CORO1C: variants seen among roughly 807,000 people sequenced by gnomAD.
CORO1C encodes the protein coronin 1C, also known as coronin-1C.
In CORO1C, 14 loss-of-function variants were observed where a neutral mutation model predicts 51.2. The observed-to-expected ratio is 0.27, with a 90% CI of 0.18 to 0.43. The LOEUF is 0.43. Among genes scored for constraint, CORO1C ranks in the 20% least tolerant of loss-of-function variants. The pLI, the probability that CORO1C is intolerant of heterozygous loss-of-function variation, is 1.00. For missense variants in CORO1C, 417 were observed against 607.8 expected (o/e 0.69, Z 3.30); for synonymous variants, 181 against 210.5 (o/e 0.86, Z 1.21).
chr12:108,669,175 A>G (rs1010412961), intron 3 of CORO1C, among the ~76,000 whole-genome samples: 1 of 152,264 alleles, frequency 6.6e-6, no homozygotes. Flanking sequence ...AAAACTGCAA[A>G]GTAGCTGTCA....
chr12:108,690,079 C>T (rs2034443361), intron 2 of CORO1C, among the ~76,000 whole-genome samples: 2 of 152,080 alleles, frequency 1.3e-5, no homozygotes, highest in South Asian at 2.1e-4. Flanking sequence ...TGCTGCTCCA[C>T]GGGGAGGAGC....
chr12:108,706,022 A>G (rs2035018473), intron 1 of CORO1C, among the ~76,000 whole-genome samples: 1 of 151,972 alleles, frequency 6.6e-6, no homozygotes, highest in South Asian at 2.1e-4. Flanking sequence ...CCCCATCTCT[A>G]CTAAAAATAC....
At chr12:108,648,179 G>A (rs761122690) in intron 10 of CORO1C, among the ~76,000 whole-genome samples, 30 of 152,032 alleles carry the variant, frequency 2.0e-4, no homozygotes, top group Non-Finnish European at 4.0e-4. Context: ...ATCTGAACAC[G>A]TGCCACTCCC....
chr12:108,726,980 A>G (rs114895749), intron 1 of CORO1C, among the ~76,000 whole-genome samples: 1 of 152,324 alleles, frequency 6.6e-6, no homozygotes, highest in African/African-American at 2.4e-5. Context: ...AAAGGGAGTT[A>G]CCCCATTCAT....
chr12:108,653,888 G>A (rs2032806214), intron 7 of CORO1C, among the ~76,000 whole-genome samples: 1 of 152,150 alleles, frequency 6.6e-6, no homozygotes, highest in Non-Finnish European at 1.5e-5. Context: ...GCTCATCTAG[G>A]GTTATCCAAC....
chr12:108,712,560 G>C (rs1486511735), intron 1 of CORO1C, among the ~76,000 whole-genome samples: 2 of 80,788 alleles, frequency 2.5e-5, no homozygotes, highest in South Asian at 9.6e-4. Flanking sequence ...AACAACAAGC[G>C]AAACTGTCTC....
chr12:108,702,435 A>G (rs903953238), intron 1 of CORO1C, among the ~76,000 whole-genome samples: 4 of 152,134 alleles, frequency 2.6e-5, no homozygotes, highest in Non-Finnish European at 5.9e-5. Flanking sequence ...ATTCGACTAA[A>G]TCATCTGATA....
intron 1 of CORO1C, among the ~76,000 whole-genome samples, chr12:108,720,974 C>T (rs2035462007): frequency 6.6e-6 from 1 of 152,050 alleles, no homozygotes; most frequent in African/African-American, 2.4e-5. Context: ...TACTATGCAC[C>T]AGGCAATATG....
intron 1 of CORO1C, among the ~76,000 whole-genome samples, chr12:108,704,248 C>T (rs551135064): frequency 2.7e-4 from 41 of 152,086 alleles, no homozygotes; most frequent in Non-Finnish European, 4.6e-4. Context: ...GAAGCTGAGA[C>T]GGATCACGAG....
intron 2 of CORO1C, among the ~76,000 whole-genome samples, chr12:108,682,605 G>A (rs1016921917): frequency 7.2e-5 from 11 of 152,222 alleles, no homozygotes; most frequent in South Asian, 6.2e-4. Flanking sequence ...TGTCAACAAA[G>A]ATTTAAGAAA....
At position 108,691,234 on chromosome 12, in the gene CORO1C, T is replaced by C. The variant is rs548470870; in HGVS notation, c.195+9890A>G. Among the ~76,000 whole-genome samples, 15 of 152,176 alleles carry C rather than the reference T, an allele frequency of 9.9e-5. No homozygotes were observed. In the South Asian group the frequency reaches 2.9e-3, roughly 30 times the overall value. ...GTTCCTCCAAGAAAGCAGACATGTG[T>C]CCCATCACATGCCCTCTCAGCTCAT... On this transcript the variant is annotated intron_variant, in intron 2 of 10. Coordinates refer to ENST00000261401, the MANE Select transcript of CORO1C (RefSeq NM_014325.4).
chr12:108,686,771 C>T (rs1390066414), intron 2 of CORO1C, among the ~76,000 whole-genome samples: 1 of 152,198 alleles, frequency 6.6e-6, no homozygotes, highest in Non-Finnish European at 1.5e-5. Context: ...AGTTCATAAA[C>T]TCGTGGGACA....
intron 3 of CORO1C, among the ~76,000 whole-genome samples, chr12:108,668,829 G>A (rs2033601717): frequency 6.6e-6 from 1 of 152,198 alleles, no homozygotes; most frequent in Non-Finnish European, 1.5e-5. Context: ...CTAAACTTAA[G>A]TTGACTGCTC....
At chr12:108,694,673 A>G (rs2034615550) in intron 2 of CORO1C, among the ~76,000 whole-genome samples, 1 of 152,220 alleles carries the variant, frequency 6.6e-6, no homozygotes, top group East Asian at 1.9e-4. Context: ...GGTACCATGG[A>G]ATACAGGATA....
At chr12:108,685,776 G>A (rs1271968242) in intron 2 of CORO1C, among the ~76,000 whole-genome samples, 1 of 152,134 alleles carries the variant, frequency 6.6e-6, no homozygotes, top group African/African-American at 2.4e-5. Flanking sequence ...TGTAGCACAA[G>A]AGAAAAGCAA....
At chr12:108,724,435 T>C (rs998367911) in intron 1 of CORO1C, among the ~76,000 whole-genome samples, 1 of 152,184 alleles carries the variant, frequency 6.6e-6, no homozygotes, top group Non-Finnish European at 1.5e-5. Context: ...TGGGTAAATC[T>C]GTCAAGCTCC....
chr12:108,672,798 T>C (rs1176207317), intron 3 of CORO1C, among the ~76,000 whole-genome samples: 1 of 152,226 alleles, frequency 6.6e-6, no homozygotes, highest in East Asian at 1.9e-4. Context: ...TTGTTATTAC[T>C]GTATCTGTTA....
At chr12:108,685,377 AAAT>A (rs2034260397) in intron 2 of CORO1C, among the ~76,000 whole-genome samples, 1 of 152,160 alleles carries the variant, frequency 6.6e-6, no homozygotes, top group Admixed American at 6.6e-5. Flanking sequence ...CTATCAAAAC[AAAT>A]AATAACAATG....
In CORO1C at chr12:108,654,412, T is replaced by TG. The variant is rs1386046258; in HGVS notation, c.751-3dup. 2.5e-6 allele frequency: 4 copies of TG among 1,574,374 alleles called. No individual in the cohort carries two copies. Among genetic ancestry groups the TG allele is most frequent in the Non-Finnish European group, 3.5e-6 (4 of 1,144,504 alleles). On this transcript the variant is annotated splice_polypyrimidine_tract_variant and splice_region_variant and intron_variant, in intron 6 of 10. Transcript: ENST00000261401. ...AGCAATTGGTTCCTGCATATTTTTC[T>TG]GGGGGGAAGATAATAATAATACATA...
Sources: gnomAD v4.1 joint callset for allele counts (sites outside exome capture counted in the v4.1 genomes callset) on GRCh38, gnomAD v4.1.1 for gene constraint, MANE v1.5 for transcripts, NCBI Gene and HGNC (gene_info 2026-07-23, HGNC 2026-07-21) for gene names.